TPRG1: variants seen among roughly 807,000 people sequenced by gnomAD.
The protein encoded by TPRG1 is tumor protein p63-regulated gene 1 protein.
A neutral mutation model predicts 29.3 loss-of-function variants in TPRG1; 29 were observed. The ratio of observed to expected loss-of-function variants is 0.99; its 90% CI spans 0.74 to 1.35. The LOEUF is 1.35. Among genes scored for constraint, TPRG1 ranks in the 40% most tolerant of loss-of-function variants. The probability of loss-of-function intolerance (pLI) is 0.00; values close to 1 mark genes in which losing one functional copy is unlikely to be tolerated. For missense variants in TPRG1, 327 were observed against 335.0 expected, an observed-to-expected ratio of 0.98 and a Z score of 0.19; for synonymous variants, 130 against 116.8, an observed-to-expected ratio of 1.11 and a Z score of -0.73.
chr3:189,214,952 G>T (rs1348152005), intron 2 of TPRG1, among the ~76,000 whole-genome samples: 4 of 137,766 alleles, frequency 2.9e-5, no homozygotes, highest in African/African-American at 1.1e-4. Flanking sequence ...AGAGAAAAAA[G>T]GTTTAATTTA....
At chr3:189,047,898 C>T (rs1285075044) in intron 4 of TPRG1, among the ~76,000 whole-genome samples, 1 of 152,170 alleles carries the variant, frequency 6.6e-6, no homozygotes, top group Non-Finnish European at 1.5e-5. Flanking sequence ...AGCATGTTTG[C>T]AGGCATTTTC....
At chr3:189,199,318 G>C (rs905381271) in intron 1 of TPRG1, among the ~76,000 whole-genome samples, 2 of 152,152 alleles carry the variant, frequency 1.3e-5, no homozygotes, top group Admixed American at 6.6e-5. Flanking sequence ...ATCTCTACAG[G>C]CTTCCATCTA....
At chr3:189,252,914 G>A (rs1742512478) in intron 4 of TPRG1, among the ~76,000 whole-genome samples, 1 of 152,058 alleles carries the variant, frequency 6.6e-6, no homozygotes, top group African/African-American at 2.4e-5. Context: ...GATATTTCAT[G>A]TTTTAATTAA....
At chr3:189,170,138 T>G, upstream of TPRG1, among the ~76,000 whole-genome samples, 1 of 152,168 alleles carries the variant, frequency 6.6e-6, no homozygotes, top group East Asian at 1.9e-4. Flanking sequence ...CCAGCATGTC[T>G]CCACTCCTCC....
At chr3:189,070,939 T>A (rs1490203670) in intron 4 of TPRG1, among the ~76,000 whole-genome samples, 1 of 152,030 alleles carries the variant, frequency 6.6e-6, no homozygotes, top group Non-Finnish European at 1.5e-5. Flanking sequence ...AAGGAAGGCC[T>A]GTTGATTGAA....
chr3:189,017,126 G>A (rs988221971), intron 3 of TPRG1, among the ~76,000 whole-genome samples: 7 of 148,854 alleles, frequency 4.7e-5, no homozygotes, highest in Admixed American at 3.3e-4. Context: ...TGGACATTTT[G>A]TTCATGCCTT....
intron 4 of TPRG1, among the ~76,000 whole-genome samples, chr3:189,279,096 A>G (rs539793235): frequency 6.6e-6 from 1 of 152,366 alleles, no homozygotes; most frequent in Non-Finnish European, 1.5e-5. Context: ...TTCAACTGCT[A>G]ACTCTGATGT....
At chr3:189,202,779 T>TG (rs1341580583) in intron 1 of TPRG1, among the ~76,000 whole-genome samples, 2 of 152,156 alleles carry the variant, frequency 1.3e-5, no homozygotes, top group Admixed American at 1.3e-4. Flanking sequence ...GCGCTCGCTG[T>TG]GGGACTGCTG....
intron 4 of TPRG1, among the ~76,000 whole-genome samples, chr3:189,271,056 G>C (rs1715045101): frequency 6.6e-6 from 1 of 152,142 alleles, no homozygotes; most frequent in Non-Finnish European, 1.5e-5. Flanking sequence ...GAAGGCAGGA[G>C]AGTGGTTGAC....
At chr3:189,104,534 G>A (rs370024477) in intron 1 of TPRG1, among the ~76,000 whole-genome samples, 14 of 152,130 alleles carry the variant, frequency 9.2e-5, no homozygotes, top group African/African-American at 3.4e-4. Flanking sequence ...CTCAGTCTGA[G>A]TTGGCGCATT....
chr3:189,134,842 C>T (rs1398090594), intron 3 of TPRG1, among the ~76,000 whole-genome samples: 1 of 152,158 alleles, frequency 6.6e-6, no homozygotes, highest in Non-Finnish European at 1.5e-5. Context: ...CCACCTGACT[C>T]CTAGCCCAGT....
At chr3:189,221,562 G>A (rs1267722446) in intron 3 of TPRG1, among the ~76,000 whole-genome samples, 1 of 152,228 alleles carries the variant, frequency 6.6e-6, no homozygotes, top group African/African-American at 2.4e-5. Flanking sequence ...GCCGTAAGTG[G>A]AAGTGTGAAG....
chr3:189,007,489 C>T (rs1458872529), intron 3 of TPRG1, among the ~76,000 whole-genome samples: 3 of 151,440 alleles, frequency 2.0e-5, no homozygotes, highest in East Asian at 1.9e-4. Context: ...GTCAGTGTGG[C>T]GATTCCTCAG....
chr3:189,265,515 C>T (rs1406003842), intron 4 of TPRG1, among the ~76,000 whole-genome samples: 1 of 152,170 alleles, frequency 6.6e-6, no homozygotes, highest in African/African-American at 2.4e-5. Context: ...GTAACATTCT[C>T]CCATCTCTCC....
rs114390130 is a variant in TPRG1 at position 189,076,088 on chromosome 3, A to G, written c.-462-50969A>G. 5.7e-3 allele frequency among the ~76,000 whole-genome samples: 865 copies of G among 152,280 alleles called. 6 individuals are homozygous for G. The highest frequency in any genetic ancestry group is 0.019 in the African/African-American group (775 of 41,536). On this transcript the variant is annotated intron_variant, in intron 4 of 10. Transcript: ENST00000433971. The stretch of plus-strand genomic sequence containing the variant: ...CGACTTGTCTCAAGCCACATGGTTA[A>G]TATGTGGAAGGGCTGGGACTCATAT...
At chr3:189,063,505 A>G (rs1716249048) in intron 4 of TPRG1, among the ~76,000 whole-genome samples, 1 of 152,130 alleles carries the variant, frequency 6.6e-6, no homozygotes, top group South Asian at 2.1e-4. Flanking sequence ...TATATTCCAT[A>G]TTCTGAGCCA....
chr3:189,027,846 G>A (rs984528165), intron 4 of TPRG1, among the ~76,000 whole-genome samples: 2 of 152,186 alleles, frequency 1.3e-5, no homozygotes, highest in Non-Finnish European at 2.9e-5. Flanking sequence ...CAATAGCATT[G>A]TGAACAGTGA....
intron 1 of TPRG1, among the ~76,000 whole-genome samples, chr3:189,184,642 G>T (rs1730670466): frequency 6.6e-6 from 1 of 152,164 alleles, no homozygotes; most frequent in South Asian, 2.1e-4. Flanking sequence ...ATTTAGCAAA[G>T]CTGTAGCTCT....
chr3:189,147,362 T>C (rs1028930379), intron 3 of TPRG1, among the ~76,000 whole-genome samples: 4 of 152,296 alleles, frequency 2.6e-5, no homozygotes, highest in African/African-American at 4.8e-5. Flanking sequence ...ACCTGGAGCA[T>C]TGTGGATGCA....
Sources: gnomAD v4.1 joint callset for allele counts (sites outside exome capture counted in the v4.1 genomes callset) on GRCh38, gnomAD v4.1.1 for gene constraint, MANE v1.5 for transcripts, NCBI Gene and HGNC (gene_info 2026-07-23, HGNC 2026-07-21) for gene names.